SKOR2: variants seen among roughly 807,000 people sequenced by gnomAD.
SKOR2 encodes the protein LBX1 corepressor 1-like protein.
Under a neutral mutation model 69.1 loss-of-function variants are expected in SKOR2, and 47 were observed. The ratio of observed to expected loss-of-function variants is 0.68; its 90% CI spans 0.54 to 0.87. The LOEUF (loss-of-function observed/expected upper bound fraction) is 0.87, where lower values mean the gene tolerates loss of function less well. Among genes scored for constraint, SKOR2 ranks in the 40% least tolerant of loss-of-function variants. The pLI is 0.00. For synonymous variants in SKOR2, 717 were observed against 672.6 expected, an observed-to-expected ratio of 1.07 and a Z score of -1.02; for missense variants, 1,404 against 1,472.2, an observed-to-expected ratio of 0.95 and a Z score of 0.76.
chr18:47,214,062 A>G (rs1341544683), intron 7 of SKOR2, among the ~76,000 whole-genome samples: 1 of 152,214 alleles, frequency 6.6e-6, no homozygotes, highest in Admixed American at 6.5e-5. Flanking sequence ...CTCACATTTA[A>G]GAAGAGCCCT....
rs1459761608 is a variant in SKOR2, at chr18:47,246,866, G to A, written c.2318C>T (p.Thr773Met). The stretch of plus-strand genomic sequence containing the variant: ...TAAGGGGTCGCCGAGTAGGACCTCC[G>A]TCTCCTCGTCCTCTTCCTCGTCGTC... ...PDDDEEEDEE[T>M]EVLLGDPLVG... Residue 773 changes from threonine (T) to methionine (M), a missense_variant, in exon 2 of 9, where the codon ACG becomes ATG. Coordinates refer to ENST00000425639, the MANE Select transcript of SKOR2 (RefSeq NM_001278063.4). 1.3e-6 allele frequency: 2 copies of A among 1,492,324 alleles called. No individual in the cohort carries two copies. Among genetic ancestry groups the A allele is most frequent in the Admixed American group, 2.2e-5 (1 of 46,444 alleles). 92.4% of individuals were successfully genotyped at this position (1,492,324 alleles called of 1,614,324 possible).
At position 47,238,320 on chromosome 18, in the gene SKOR2, C is replaced by CTT. The variant is rs772229985; in HGVS notation, c.2752+6586_2752+6587dup. ...GTAAATAATTTTTTTCTTTTCTTTT[C>CTT]TTTTTTTTTTTTTTTTTTTTGAGAG... On this transcript the variant is annotated intron_variant, in intron 4 of 8. Coordinates refer to ENST00000425639, the MANE Select transcript of SKOR2 (RefSeq NM_001278063.4). 3.5e-4 allele frequency among the ~76,000 whole-genome samples: 38 copies of CTT among 108,056 alleles called. 1 individual carries two copies. The highest frequency in any genetic ancestry group is 6.1e-4 in the African/African-American group (16 of 26,312). The allele number at this position is 108,056 out of a possible 152,430, so 70.9% of individuals were successfully genotyped here. A position where few individuals can be genotyped will look rare whatever the true frequency, so the allele number is the denominator to read the frequency against.
intron 4 of SKOR2, among the ~76,000 whole-genome samples, chr18:47,231,534 T>A (rs989840699): frequency 2.0e-5 from 3 of 152,086 alleles, no homozygotes; most frequent in African/African-American, 7.2e-5. Flanking sequence ...TAATTGATAG[T>A]TTGTTTTTTT....
chr18:47,212,496 G>A (rs958359849), intron 7 of SKOR2, among the ~76,000 whole-genome samples: 5 of 152,144 alleles, frequency 3.3e-5, no homozygotes, highest in Non-Finnish European at 7.4e-5. Context: ...ATGTTCTAAT[G>A]TATGTTCAAG....
intron 6 of SKOR2, among the ~76,000 whole-genome samples, chr18:47,224,546 G>A (rs565942973): frequency 8.5e-5 from 13 of 152,270 alleles, no homozygotes; most frequent in African/African-American, 2.9e-4. Flanking sequence ...TTCTAAGCAA[G>A]CAGTGGGCTT....
intron 4 of SKOR2, among the ~76,000 whole-genome samples, chr18:47,232,389 G>A (rs2064203191): frequency 6.6e-6 from 1 of 152,116 alleles, no homozygotes; most frequent in South Asian, 2.1e-4. Flanking sequence ...CTACAAATCT[G>A]GTCTAAATAA....
intron 6 of SKOR2, 87 bp from the exon 7 acceptor site, chr18:47,220,097 A>G: frequency 9.2e-7 from 1 of 1,084,366 alleles, no homozygotes. Context: ...TGACAGTCCC[A>G]TGGACAGCCC....
chr18:47,228,945 C>T (rs981117005), intron 6 of SKOR2, among the ~76,000 whole-genome samples: 5 of 152,246 alleles, frequency 3.3e-5, no homozygotes, highest in Non-Finnish European at 7.3e-5. Flanking sequence ...GAGCTCCAGC[C>T]TCCTTTGGAG....
chr18:47,248,878 C>T lies in SKOR2; in HGVS notation c.306G>A (p.Leu102=). ...VQCTPVQLEI[L]RRAGAMPISS... The stretch of plus-strand genomic sequence containing the variant: ...AGATGGGCATGGCCCCGGCACGCCG[C>T]AGGATCTCCAGTTGCACCGGCGTGC... Residue 102 remains leucine, a synonymous_variant, in exon 2 of 9, where the codon CTG becomes CTA. Coordinates refer to ENST00000425639, the MANE Select transcript of SKOR2 (RefSeq NM_001278063.4). This position sits in a 1 kb window ranked among gnomAD's most constrained non-coding sequence, Gnocchi z 6.4. 6.4e-7 allele frequency: 1 copy of T among 1,566,754 alleles called. No homozygotes were observed. The highest frequency in any genetic ancestry group is 8.6e-7 in the Non-Finnish European group (1 of 1,163,752).
At chr18:47,214,210 A>T (rs1214810891) in intron 7 of SKOR2, among the ~76,000 whole-genome samples, 1 of 152,200 alleles carries the variant, frequency 6.6e-6, no homozygotes, top group Non-Finnish European at 1.5e-5. Flanking sequence ...AACCCGCCTG[A>T]AGGATTCTAC....
chr18:47,219,523 A>G (rs1568084122), intron 7 of SKOR2, among the ~76,000 whole-genome samples: 1 of 152,078 alleles, frequency 6.6e-6, no homozygotes. Flanking sequence ...AATTTAGTTG[A>G]TTAATTGTGC....
At chr18:47,210,805 C>G (rs1254616761) in intron 8 of SKOR2, among the ~76,000 whole-genome samples, 1 of 152,120 alleles carries the variant, frequency 6.6e-6, no homozygotes, top group Non-Finnish European at 1.5e-5. Flanking sequence ...GTATCATCTG[C>G]TCACCAAGAA....
intron 4 of SKOR2, among the ~76,000 whole-genome samples, chr18:47,234,878 G>A (rs1394345159): frequency 1.4e-4 from 12 of 86,342 alleles, no homozygotes; most frequent in African/African-American, 3.1e-4. Context: ...AAAAAAAAGA[G>A]AGGGGGTGGG....
intron 4 of SKOR2, among the ~76,000 whole-genome samples, chr18:47,231,843 C>CAAA (rs11342275): frequency 2.4e-4 from 32 of 130,928 alleles, no homozygotes; most frequent in East Asian, 9.1e-4. Flanking sequence ...AACTCCATCT[C>CAAA]AAAAAAAAAA....
At position 47,247,795 on chromosome 18, in the gene SKOR2, G is replaced by C; in HGVS notation, c.1389C>G (p.Phe463Leu). 7.1e-7 allele frequency: 1 copy of C among 1,399,456 alleles called. No homozygotes were observed. The highest frequency in any genetic ancestry group is 1.5e-5 in the South Asian group (1 of 64,556). The allele number at this position is 1,399,456 out of a possible 1,614,324, so 86.7% of individuals were successfully genotyped here. A position where few individuals can be genotyped will look rare whatever the true frequency, so the allele number is the denominator to read the frequency against. The stretch of plus-strand genomic sequence containing the variant: ...GCCAGAACATGCAGAAGGGCGGATA[G>C]AAGGCGTCCTTGCGGCCCGCGGGCC... ...LFWPAGRKDA[F>L]YPPFCMFWPP... The change falls in exon 2 of 9, where the codon TTC becomes TTG. Residue 463 changes from phenylalanine (F) to leucine (L), a missense_variant. Transcript: ENST00000425639. This position sits in a 1 kb window ranked among gnomAD's most constrained non-coding sequence, Gnocchi z 6.6.
In SKOR2 at chr18:47,247,825, G is replaced by A; in HGVS notation, c.1359C>T (p.Leu453=). Residue 453 remains leucine, a synonymous_variant, in exon 2 of 9, where the codon CTC becomes CTT. Transcript: ENST00000425639. This position sits in a 1 kb window ranked among gnomAD's most constrained non-coding sequence, Gnocchi z 6.6. ...GAAPKAGLSG[L]FWPAGRKDAF... Reference sequence around the variant, plus strand: ...CGTCCTTGCGGCCCGCGGGCCAGAAGAGGCCGGACAAGCCGGCCTTGGGCG... The same window carrying A: ...CGTCCTTGCGGCCCGCGGGCCAGAAAAGGCCGGACAAGCCGGCCTTGGGCG... The A allele has an allele frequency of 2.9e-6, 4 of 1,390,996 alleles. No individual in the cohort carries two copies. The highest frequency in any genetic ancestry group is 2.4e-4 in the Middle Eastern group (1 of 4,104). The allele number at this position is 1,390,996 out of a possible 1,614,324, so 86.2% of individuals were successfully genotyped here. A position where few individuals can be genotyped will look rare whatever the true frequency, so the allele number is the denominator to read the frequency against.
At chr18:47,236,977 C>A (rs1481373973) in intron 4 of SKOR2, among the ~76,000 whole-genome samples, 1 of 152,124 alleles carries the variant, frequency 6.6e-6, no homozygotes, top group Non-Finnish European at 1.5e-5. Context: ...AATATACTTT[C>A]TGAGGGCAGA....
intron 3 of SKOR2, 72 bp downstream of exon 3, chr18:47,245,426 G>T: frequency 4.5e-6 from 6 of 1,345,744 alleles, no homozygotes; most frequent in Non-Finnish European, 5.9e-6. Flanking sequence ...TGAGGAGGCT[G>T]GGCATAAGTC....
At position 47,219,514 on chromosome 18, in the gene SKOR2, A is replaced by G. The variant is rs529615360; in HGVS notation, c.2985+429T>C. 2.8e-4 allele frequency among the ~76,000 whole-genome samples: 42 copies of G among 152,250 alleles called. 1 individual carries two copies. The South Asian group carries it at 8.5e-3, about 31-fold the overall frequency. ...TTTCTTTTCATCATCCTTCAAGTGA[A>G]TTTAGTTGATTAATTGTGCTCATTA... On this transcript the variant is annotated intron_variant, in intron 7 of 8. Coordinates refer to ENST00000425639, the MANE Select transcript of SKOR2 (RefSeq NM_001278063.4).
Sources: gnomAD v4.1 joint callset for allele counts (sites outside exome capture counted in the v4.1 genomes callset) on GRCh38, gnomAD v4.1.1 for gene constraint, Gnocchi (gnomAD v3.1) non-coding constraint, MANE v1.5 for transcripts, NCBI Gene and HGNC (gene_info 2026-07-23, HGNC 2026-07-21) for gene names.